Variants in FRS2 observed in about 807,000 individuals in gnomAD.
FRS2 encodes the protein FGFR signalling adaptor.
In FRS2, 8 loss-of-function variants were observed where a neutral mutation model predicts 43.9. That is an observed-to-expected ratio of 0.18 (90% CI 0.11 to 0.33). The LOEUF is 0.33. FRS2 is among the 10% of genes least tolerant of loss of function. The pLI, the probability that FRS2 is intolerant of heterozygous loss-of-function variation, is 1.00. For missense variants in FRS2, 534 were observed against 627.6 expected, an observed-to-expected ratio of 0.85 and a Z score of 1.59; for synonymous variants, 219 against 220.3, an observed-to-expected ratio of 0.99 and a Z score of 0.05.
intron 1 of FRS2, among the ~76,000 whole-genome samples, chr12:69,474,929 T>C (rs536439493): frequency 6.6e-6 from 1 of 152,364 alleles, no homozygotes; most frequent in East Asian, 1.9e-4. Context: ...ATATTTTTCT[T>C]CCAACTCTAT....
At chr12:69,553,382 A>AT (rs2135744233) in intron 3 of FRS2, among the ~76,000 whole-genome samples, 1 of 152,220 alleles carries the variant, frequency 6.6e-6, no homozygotes, top group South Asian at 2.1e-4. Flanking sequence ...ACTTGGAGCT[A>AT]TTTTAGGAGG....
intron 1 of FRS2, among the ~76,000 whole-genome samples, chr12:69,484,953 A>G (rs1359319162): frequency 2.0e-5 from 3 of 152,098 alleles, no homozygotes; most frequent in Non-Finnish European, 4.4e-5. Context: ...ACAACAGAAG[A>G]CATCAAAACC....
Position 69,577,752 on chromosome 12 carries a change from C to T in FRS2, c.*2797C>T, listed in dbSNP as rs147933046. ...TGAAAATATGGTGCCTTCCCTCCCT[C>T]CAGGAAGACTGGCAAATATTTCCTT... is the stretch of plus-strand genomic sequence containing the variant. On this transcript the variant is annotated 3_prime_UTR_variant, in exon 9 of 9. Transcript: ENST00000549921. The T allele has an allele frequency of 2.0e-5, 3 of 152,686 alleles. No individual in the cohort carries two copies. The highest frequency in any genetic ancestry group is 2.9e-5 in the Non-Finnish European group (2 of 68,006). 9.5% of individuals were successfully genotyped at this position (152,686 alleles called of 1,614,324 possible). A position where few individuals can be genotyped will look rare whatever the true frequency, so the allele number is the denominator to read the frequency against.
intron 1 of FRS2, among the ~76,000 whole-genome samples, chr12:69,519,623 C>G (rs975369505): frequency 2.6e-5 from 4 of 152,102 alleles, no homozygotes; most frequent in African/African-American, 9.7e-5. Flanking sequence ...GTGTACTCAT[C>G]ATTTAGCTCT....
chr12:69,555,796 G>T (rs1484968237), intron 3 of FRS2, among the ~76,000 whole-genome samples: 1 of 152,176 alleles, frequency 6.6e-6, no homozygotes, highest in African/African-American at 2.4e-5. Context: ...CTTGAATCGG[G>T]TGTGTTAGAT....
At chr12:69,508,024 CAAAAAAAAAAAAAAAAAAA>C (rs11365179) in intron 1 of FRS2, among the ~76,000 whole-genome samples, 1 of 47,582 alleles carries the variant, frequency 2.1e-5, no homozygotes. Flanking sequence ...AACCCCGTCT[CAAAAAAAAAAAAAAAAAAA>C]AAAAAAAAAA....
At chr12:69,544,549 A>T (rs1341619491) in intron 3 of FRS2, among the ~76,000 whole-genome samples, 4 of 152,060 alleles carry the variant, frequency 2.6e-5, no homozygotes, top group Non-Finnish European at 4.4e-5. Flanking sequence ...TCTACTAAAA[A>T]TGTAAAAATT....
chr12:69,551,503 A>G (rs1179967732), intron 3 of FRS2, among the ~76,000 whole-genome samples: 1 of 152,234 alleles, frequency 6.6e-6, no homozygotes, highest in Non-Finnish European at 1.5e-5. Context: ...TAAGATCCAG[A>G]TAAATATGAA....
In FRS2 at chr12:69,574,958, CTGGAAAGCATTGTGTTGTT is replaced by C; in HGVS notation, c.*6_*24del. 5 of 1,572,830 alleles carry C rather than the reference CTGGAAAGCATTGTGTTGTT, an allele frequency of 3.2e-6. No homozygotes were observed. In the East Asian group the frequency reaches 1.1e-4, roughly 35 times the overall value. On this transcript the variant is annotated 3_prime_UTR_variant, in exon 9 of 9. Coordinates refer to ENST00000549921, the MANE Select transcript of FRS2 (RefSeq NM_001278356.2). ...ATAGTACTGATCTGCCCATGTGAGC[CTGGAAAGCATTGTGTTGTT>C]TGCACCTTTGTGAAGTTTTTAAAAA... is the stretch of plus-strand genomic sequence containing the variant.
At chr12:69,502,325 G>A (rs1873526960) in intron 1 of FRS2, among the ~76,000 whole-genome samples, 1 of 152,074 alleles carries the variant, frequency 6.6e-6, no homozygotes, top group African/African-American at 2.4e-5. Flanking sequence ...ACTGAATGCA[G>A]CTTTTCCAGT....
chr12:69,579,289 A>C lies in FRS2; in HGVS notation c.*4334A>C, dbSNP rs1170148360. ...TATAAGCCATGTCATCAGGCATGAA[A>C]AGTTTTCTCATATATGATGTAAACT... On this transcript the variant is annotated 3_prime_UTR_variant, in exon 9 of 9. Coordinates refer to ENST00000549921, the MANE Select transcript of FRS2 (RefSeq NM_001278356.2). 1 of 152,644 alleles carries C rather than the reference A, an allele frequency of 6.6e-6. No individual in the cohort carries two copies. Among genetic ancestry groups the C allele is most frequent in the Non-Finnish European group, 1.5e-5 (1 of 68,038 alleles). 9.5% of individuals were successfully genotyped at this position (152,644 alleles called of 1,614,324 possible).
Position 69,568,994 on chromosome 12 carries a change from T to C in FRS2, c.-26-11T>C, listed in dbSNP as rs750585279. 1.1e-5 allele frequency: 16 copies of C among 1,431,986 alleles called. No individual in the cohort carries two copies. The East Asian group carries it at 3.7e-4, about 33-fold the overall frequency. 88.7% of individuals were successfully genotyped at this position (1,431,986 alleles called of 1,614,324 possible). On this transcript the variant is annotated splice_polypyrimidine_tract_variant and intron_variant, in intron 4 of 8. Coordinates refer to ENST00000549921, the MANE Select transcript of FRS2 (RefSeq NM_001278356.2). ...CATCTAATAAATTTTTCCAAATTAT[T>C]TTTCATGTAGTGCACACATGGTCTT...
intron 6 of FRS2, 130 bp from the exon 7 acceptor site, chr12:69,571,146 A>G (rs1400684307): frequency 8.7e-6 from 5 of 572,472 alleles, no homozygotes; most frequent in Non-Finnish European, 1.5e-5. Flanking sequence ...TTTATCAGAT[A>G]TTTATTTAAA....
chr12:69,545,287 G>C (rs578078296), intron 3 of FRS2, among the ~76,000 whole-genome samples: 261 of 152,202 alleles, frequency 1.7e-3, no homozygotes, highest in Middle Eastern at 6.8e-3. Flanking sequence ...CGCCCATTCT[G>C]CAATTCATAT....
At chr12:69,512,261 GTT>G (rs1360241683) in intron 1 of FRS2, among the ~76,000 whole-genome samples, 6 of 152,096 alleles carry the variant, frequency 3.9e-5, no homozygotes, top group African/African-American at 1.4e-4. Flanking sequence ...TATTTTGACT[GTT>G]ACTGTTATTT....
intron 1 of FRS2, among the ~76,000 whole-genome samples, chr12:69,528,570 A>G (rs1237200810): frequency 1.3e-5 from 2 of 152,244 alleles, no homozygotes; most frequent in African/African-American, 4.8e-5. Flanking sequence ...ACACTTTGAT[A>G]GATACATCTT....
chr12:69,553,701 G>T (rs929614040), intron 3 of FRS2, among the ~76,000 whole-genome samples: 1 of 152,206 alleles, frequency 6.6e-6, no homozygotes, highest in South Asian at 2.1e-4. Context: ...CATGTTGCTA[G>T]ATGGCACCAG....
intron 1 of FRS2, among the ~76,000 whole-genome samples, chr12:69,495,639 A>C (rs1872811536): frequency 6.6e-6 from 1 of 152,202 alleles, no homozygotes; most frequent in African/African-American, 2.4e-5. Context: ...ATAATGCTTA[A>C]CAGTTTGGGA....
At chr12:69,551,901 A>C (rs544859968) in intron 3 of FRS2, among the ~76,000 whole-genome samples, 5 of 152,082 alleles carry the variant, frequency 3.3e-5, no homozygotes, top group Middle Eastern at 3.4e-3. Context: ...CCTAAGAAAC[A>C]TTTTCCAATT....
Sources: gnomAD v4.1 joint callset for allele counts (sites outside exome capture counted in the v4.1 genomes callset) on GRCh38, gnomAD v4.1.1 for gene constraint, MANE v1.5 for transcripts, NCBI Gene and HGNC (gene_info 2026-07-23, HGNC 2026-07-21) for gene names.